The following RPS6KA2 variants were observed in gnomAD, a reference collection of about 807,000 sequenced individuals.
RPS6KA2 encodes the protein ribosomal protein S6 kinase alpha-2.
RPS6KA2 carries 42 observed loss-of-function variants against 91.8 expected under a neutral mutation model. The observed-to-expected ratio is 0.46, with a 90% CI of 0.36 to 0.59. The LOEUF is 0.59. Among genes scored for constraint, RPS6KA2 ranks in the 20% least tolerant of loss-of-function variants. The pLI, the probability that RPS6KA2 is intolerant of heterozygous loss-of-function variation, is 0.00. For synonymous variants in RPS6KA2, 414 were observed against 393.6 expected (o/e 1.05, Z -0.61); for missense variants, 798 against 978.5 (o/e 0.82, Z 2.46).
At chr6:166,586,429 T>C (rs1785176735) in intron 1 of RPS6KA2, 5 of 1,599,976 alleles carry the variant, frequency 3.1e-6, no homozygotes, top group African/African-American at 1.6e-5. Context: ...GTGAATCTAC[T>C]AGCAAACATC....
At chr6:166,654,257 T>C (rs1787942878) in intron 2 of RPS6KA2, among the ~76,000 whole-genome samples, 1 of 152,176 alleles carries the variant, frequency 6.6e-6, no homozygotes, top group Non-Finnish European at 1.5e-5. Flanking sequence ...TTTTGAAAAT[T>C]AGATATTTTT....
At chr6:166,680,638 C>G (rs1788771410) in intron 2 of RPS6KA2, among the ~76,000 whole-genome samples, 1 of 152,182 alleles carries the variant, frequency 6.6e-6, no homozygotes, top group South Asian at 2.1e-4. Flanking sequence ...ACCTTATGAA[C>G]TGTAACACTC....
chr6:166,502,564 G>A (rs910761751), intron 6 of RPS6KA2, among the ~76,000 whole-genome samples: 3 of 152,230 alleles, frequency 2.0e-5, no homozygotes, highest in Non-Finnish European at 4.4e-5. Context: ...ACACACAGGC[G>A]TCAACAGCCA....
chr6:166,833,005 T>C (rs563992356), intron 2 of RPS6KA2, among the ~76,000 whole-genome samples: 2 of 152,384 alleles, frequency 1.3e-5, no homozygotes, highest in East Asian at 3.9e-4. Flanking sequence ...TTAATTAAGA[T>C]GTTTAGCAAC....
At position 166,445,808 on chromosome 6, in the gene RPS6KA2, C is replaced by T. The variant is rs372043773; in HGVS notation, c.1332+2916G>A. Among the ~76,000 whole-genome samples the T allele has an allele frequency of 3.0e-4, 45 of 152,298 alleles. No homozygotes were observed. Among genetic ancestry groups the T allele is most frequent in the East Asian group, 1.9e-3 (10 of 5,176 alleles). Reference sequence around the variant, plus strand: ...AGCCAGGGGTAGGTGGGATCGTATACGGCTCAAGCGGCAACTGGGAGTGGT... The same window carrying T: ...AGCCAGGGGTAGGTGGGATCGTATATGGCTCAAGCGGCAACTGGGAGTGGT... On this transcript the variant is annotated intron_variant, in intron 14 of 20. Transcript: ENST00000265678. This position sits in a 1 kb window ranked among gnomAD's most constrained non-coding sequence, Gnocchi z 4.5.
intron 2 of RPS6KA2, among the ~76,000 whole-genome samples, chr6:166,735,736 C>G (rs536154757): frequency 6.6e-6 from 1 of 152,132 alleles, no homozygotes; most frequent in Non-Finnish European, 1.5e-5. Flanking sequence ...AGAGCTCAGG[C>G]GATAATGCAA....
chr6:166,486,731 G>C (rs1781424014), intron 10 of RPS6KA2, among the ~76,000 whole-genome samples: 1 of 152,044 alleles, frequency 6.6e-6, no homozygotes, highest in Non-Finnish European at 1.5e-5. Flanking sequence ...CCGCTGCGGG[G>C]TGAGTCTACA....
chr6:166,584,760 T>C (rs1019730928), intron 1 of RPS6KA2, among the ~76,000 whole-genome samples: 8 of 152,232 alleles, frequency 5.3e-5, no homozygotes, highest in Admixed American at 2.0e-4. Flanking sequence ...AGTAAATACG[T>C]TGAGGAGCTG....
intron 2 of RPS6KA2, among the ~76,000 whole-genome samples, chr6:166,777,674 G>T (rs1778661097): frequency 1.3e-5 from 2 of 152,308 alleles, no homozygotes; most frequent in African/African-American, 2.4e-5. Context: ...AACTGCTACG[G>T]TTCACAGATA....
At chr6:166,838,014 C>T (rs931187259) in intron 2 of RPS6KA2, among the ~76,000 whole-genome samples, 14 of 152,232 alleles carry the variant, frequency 9.2e-5, no homozygotes, top group African/African-American at 2.2e-4. Context: ...GACACATAAA[C>T]GCAACGCAGG....
intron 12 of RPS6KA2, among the ~76,000 whole-genome samples, chr6:166,455,354 G>A (rs1780066279): frequency 6.6e-6 from 1 of 152,142 alleles, no homozygotes; most frequent in Non-Finnish European, 1.5e-5. Context: ...GCCAGGCCGT[G>A]GGCAGATGGA....
chr6:166,560,888 T>A (rs16899157), intron 1 of RPS6KA2, among the ~76,000 whole-genome samples: 4,931 of 152,132 alleles, frequency 0.032, 272 homozygotes, highest in African/African-American at 0.11. Context: ...CTCATGCAAG[T>A]GGCTCATTCC....
chr6:166,603,518 C>G lies in RPS6KA2; in HGVS notation c.99+23403G>C, dbSNP rs569921939. On this transcript the variant is annotated intron_variant, in intron 1 of 20. Transcript: ENST00000265678. The surrounding 1 kb of genome is among the most constrained non-coding windows in gnomAD (Gnocchi z 4.3). ...ATGGGATTAGCATGGGGGCAGCTACCGACCAGTCACCTTCTGGAGTCGAGG... is the reference window on the plus strand; with the variant it reads ...ATGGGATTAGCATGGGGGCAGCTACGGACCAGTCACCTTCTGGAGTCGAGG... 3.3e-5 allele frequency among the ~76,000 whole-genome samples: 5 copies of G among 152,164 alleles called. No individual in the cohort carries two copies. The highest frequency in any genetic ancestry group is 1.2e-4 in the African/African-American group (5 of 41,502).
At chr6:166,523,124 A>G (rs743977) in intron 3 of RPS6KA2, among the ~76,000 whole-genome samples, 93,578 of 152,044 alleles carry the variant, frequency 0.62, 29,380 homozygotes, top group African/African-American at 0.74. Context: ...GGTAATAAAC[A>G]CATAGAGGAC....
intron 1 of RPS6KA2, among the ~76,000 whole-genome samples, chr6:166,593,693 T>C (rs1224424427): frequency 1.3e-5 from 2 of 151,490 alleles, no homozygotes; most frequent in Non-Finnish European, 2.9e-5. Flanking sequence ...GAGCTCTTAA[T>C]ATATAAAGAG....
intron 10 of RPS6KA2, among the ~76,000 whole-genome samples, chr6:166,477,997 G>A (rs1054914543): frequency 2.0e-5 from 3 of 152,218 alleles, no homozygotes; most frequent in Admixed American, 6.5e-5. Flanking sequence ...TCTCATGTAC[G>A]TTTGGATGAA....
At chr6:166,725,279 C>G (rs1479636391) in intron 2 of RPS6KA2, among the ~76,000 whole-genome samples, 1 of 152,142 alleles carries the variant, frequency 6.6e-6, no homozygotes, top group Non-Finnish European at 1.5e-5. Flanking sequence ...TTTTCTTTCT[C>G]CTTGAAAACA....
chr6:166,442,121 G>T (rs1249382021), intron 14 of RPS6KA2, among the ~76,000 whole-genome samples: 1 of 152,210 alleles, frequency 6.6e-6, no homozygotes, highest in South Asian at 2.1e-4. Flanking sequence ...TCCCCTTACA[G>T]CCTAGGGACT....
At chr6:166,474,507 A>C (rs1355031203) in intron 10 of RPS6KA2, among the ~76,000 whole-genome samples, 1 of 152,170 alleles carries the variant, frequency 6.6e-6, no homozygotes, top group Non-Finnish European at 1.5e-5. Flanking sequence ...TTCTAGGAGA[A>C]GCTACAGATG....
Sources: allele counts gnomAD v4.1 joint callset (sites outside exome capture counted in the v4.1 genomes callset), GRCh38; gene constraint gnomAD v4.1.1; non-coding constraint Gnocchi (gnomAD v3.1); transcripts MANE v1.5; gene names NCBI Gene and HGNC (gene_info 2026-07-23, HGNC 2026-07-21).